Variants in DNASE1 observed in about 807,000 individuals in gnomAD.
DNASE1 encodes deoxyribonuclease-1.
Under a neutral mutation model 33.9 loss-of-function variants are expected in DNASE1, and 40 were observed. The observed-to-expected ratio is 1.18, with a 90% CI of 0.92 to 1.54. The LOEUF (loss-of-function observed/expected upper bound fraction) is 1.54, where lower values mean the gene tolerates loss of function less well. Among genes scored for constraint, DNASE1 ranks in the 40% most tolerant of loss-of-function variants. The pLI is 0.00. For synonymous variants in DNASE1, 216 were observed against 160.0 expected (o/e 1.35, Z -2.64); for missense variants, 518 against 372.6 (o/e 1.39, Z -3.21).
upstream of DNASE1, chr16:3,652,562 T>C (rs1308550800): frequency 6.6e-6 from 1 of 152,266 alleles, no homozygotes; most frequent in Non-Finnish European, 1.5e-5. Flanking sequence ...AAGCCTGCAA[T>C]GGGGCCTCTG....
chr16:3,656,307 C>T (rs2042614117), intron 4 of DNASE1, 122 bp downstream of exon 4: 2 of 1,110,540 alleles, frequency 1.8e-6, no homozygotes, highest in African/African-American at 1.5e-5. Flanking sequence ...GAGCAGGGTC[C>T]AGGGTGGAGT....
downstream of DNASE1, chr16:3,658,254 A>G (rs1316389056): frequency 6.3e-7 from 1 of 1,575,180 alleles, no homozygotes; most frequent in Non-Finnish European, 8.7e-7. Context: ...GGAGAAACCC[A>G]TTATGAGGGG....
upstream of DNASE1, chr16:3,640,859 A>AGC (rs1174629973): frequency 1.0e-5 from 4 of 398,440 alleles, no homozygotes; most frequent in African/African-American, 8.2e-5. Flanking sequence ...TCCGAAGATC[A>AGC]GCACCTCCTC....
Position 3,656,687 on chromosome 16 carries a change from G to A in DNASE1, c.370G>A (p.Glu124Lys), listed in dbSNP as rs758551072. ...VDSYYYDDGC[E>K]PCGNDTFNRE... is the part of the protein sequence containing the mutation. The stretch of plus-strand genomic sequence containing the variant: ...CAGCTACTACTACGATGATGGCTGC[G>A]AGCCCTGCGGGAACGACACCTTCAA... Residue 124 changes from glutamate (E) to lysine (K), a missense_variant, in exon 5 of 9, where the codon GAG becomes AAG. Glu to Lys is a moderately conservative substitution (Grantham distance 56). Transcript: ENST00000246949. 5.9e-5 allele frequency: 95 copies of A among 1,613,334 alleles called. No homozygotes were observed. The highest frequency in any genetic ancestry group is 4.7e-4 in the East Asian group (21 of 44,780).
upstream of DNASE1, chr16:3,654,156 C>A (rs1297777540): frequency 7.7e-6 from 3 of 391,400 alleles, no homozygotes; most frequent in Non-Finnish European, 1.4e-5. Context: ...AATTACTGGA[C>A]CTGAGGCCTG....
chr16:3,621,592 A>G (rs1257768060), intron 1 of DNASE1, among the ~76,000 whole-genome samples: 1 of 152,190 alleles, frequency 6.6e-6, no homozygotes, highest in East Asian at 1.9e-4. Flanking sequence ...ACGGTAGCAC[A>G]TTTTACCCAT....
At chr16:3,638,791 C>A (rs2041950705), upstream of DNASE1, among the ~76,000 whole-genome samples, 1 of 152,098 alleles carries the variant, frequency 6.6e-6, no homozygotes, top group Non-Finnish European at 1.5e-5. Context: ...TTGATAGTGT[C>A]CAATAATTTT....
upstream of DNASE1, among the ~76,000 whole-genome samples, chr16:3,640,056 A>C (rs1345598463): frequency 6.6e-6 from 1 of 152,172 alleles, no homozygotes; most frequent in Non-Finnish European, 1.5e-5. Context: ...TCTGCAGTTG[A>C]CTTAGCTCTA....
downstream of DNASE1, chr16:3,662,661 T>G (rs1316731826): frequency 1.5e-6 from 1 of 686,864 alleles, no homozygotes; most frequent in Non-Finnish European, 2.7e-6. Context: ...AGTTCACACC[T>G]GCTCTGGAGC....
chr16:3,654,431 G>C (rs1380979406), upstream of DNASE1: 1 of 398,724 alleles, frequency 2.5e-6, no homozygotes, highest in Non-Finnish European at 4.4e-6. Flanking sequence ...GGGCCACAGA[G>C]CAGTCATGGC....
At chr16:3,652,521 C>T (rs1251496681), upstream of DNASE1, 1 of 152,262 alleles carries the variant, frequency 6.6e-6, no homozygotes, top group Admixed American at 6.5e-5. Context: ...AGATTAAAAA[C>T]AGGGAAGAAC....
At chr16:3,645,568 C>T (rs997020678) in intron 1 of DNASE1, among the ~76,000 whole-genome samples, 3 of 152,170 alleles carry the variant, frequency 2.0e-5, no homozygotes, top group Non-Finnish European at 4.4e-5. Flanking sequence ...GCACTGGGAG[C>T]GTGTGGGGAG....
At chr16:3,626,556 C>T (rs542537570) in intron 1 of DNASE1, among the ~76,000 whole-genome samples, 2 of 152,084 alleles carry the variant, frequency 1.3e-5, no homozygotes, top group East Asian at 3.9e-4. Flanking sequence ...GAATATAGTC[C>T]ATCTTGAGTG....
At chr16:3,636,592 G>T (rs1044055094) in intron 1 of DNASE1, among the ~76,000 whole-genome samples, 2 of 151,442 alleles carry the variant, frequency 1.3e-5, no homozygotes, top group African/African-American at 2.4e-5. Context: ...GAGGCTGAGC[G>T]GGGAGGATCG....
At chr16:3,653,790 G>C (rs1248144390), upstream of DNASE1, 1 of 106,692 alleles carries the variant, frequency 9.4e-6, no homozygotes, top group East Asian at 3.5e-4. Context: ...CTGGGCAGCA[G>C]AGCAAGATTC....
At chr16:3,664,270 C>A in exon 10 of DNASE1, 1 of 1,580,108 alleles carries the variant, frequency 6.3e-7, no homozygotes, top group South Asian at 1.1e-5. Context: ...CACCGCTCAC[C>A]CACCTCTGTG....
chr16:3,620,051 G>A (rs2041251840), intron 1 of DNASE1, among the ~76,000 whole-genome samples: 8 of 151,902 alleles, frequency 5.3e-5, no homozygotes, highest in Admixed American at 2.0e-4. Context: ...GAGTAGCTGG[G>A]ACTACGGGCA....
Position 3,656,626 on chromosome 16 carries a change from G to A in DNASE1, c.321-12G>A. 2 of 1,603,276 alleles carry A rather than the reference G, an allele frequency of 1.2e-6. No individual in the cohort carries two copies. The highest frequency in any genetic ancestry group is 1.7e-6 in the Non-Finnish European group (2 of 1,174,708). On this transcript the variant is annotated splice_polypyrimidine_tract_variant and intron_variant, in intron 4 of 8. Coordinates refer to ENST00000246949, the MANE Select transcript of DNASE1 (RefSeq NM_005223.4). ...GCCTGGGGTCACCTCCTCCTGCCCG[G>A]CCTTCCCGCAGGCCTGACCAGGTGT...
intron 1 of DNASE1, among the ~76,000 whole-genome samples, chr16:3,631,722 C>T (rs994515576): frequency 3.3e-5 from 5 of 151,530 alleles, no homozygotes; most frequent in African/African-American, 7.3e-5. Flanking sequence ...GGGGTTTTGC[C>T]GTGTTGGGCA....
Sources: allele counts gnomAD v4.1 joint callset (sites outside exome capture counted in the v4.1 genomes callset), GRCh38; gene constraint gnomAD v4.1.1; transcripts MANE v1.5; gene names NCBI Gene and HGNC (gene_info 2026-07-23, HGNC 2026-07-21).